Variants in TPRG1 observed in about 807,000 individuals in gnomAD.
TPRG1 encodes tumor protein p63-regulated gene 1 protein.
TPRG1 carries 29 observed loss-of-function variants against 29.3 expected under a neutral mutation model. The observed-to-expected ratio is 0.99, with a 90% confidence interval of 0.74 to 1.35. The LOEUF is 1.35. Among genes scored for constraint, TPRG1 ranks in the 40% most tolerant of loss-of-function variants. The pLI is 0.00. For synonymous variants in TPRG1, 130 were observed against 116.8 expected, an observed-to-expected ratio of 1.11 and a Z score of -0.73; for missense variants, 327 against 335.0, an observed-to-expected ratio of 0.98 and a Z score of 0.19.
intron 4 of TPRG1, among the ~76,000 whole-genome samples, chr3:189,026,652 A>G (rs1218633558): frequency 2.0e-5 from 3 of 152,214 alleles, no homozygotes; most frequent in Non-Finnish European, 4.4e-5. Flanking sequence ...GAGATTTAGA[A>G]TATTAGTTAG....
At chr3:189,266,215 TG>T (rs1166344267) in intron 4 of TPRG1, among the ~76,000 whole-genome samples, 1 of 152,240 alleles carries the variant, frequency 6.6e-6, no homozygotes, top group Non-Finnish European at 1.5e-5. Flanking sequence ...AGTGCCAAAC[TG>T]GTGACTGCCA....
upstream of TPRG1, among the ~76,000 whole-genome samples, chr3:189,171,581 C>G (rs146370093): frequency 1.3e-5 from 2 of 152,332 alleles, no homozygotes; most frequent in Non-Finnish European, 2.9e-5. Flanking sequence ...ATACACTGCT[C>G]TACATGTCTT....
At chr3:189,270,034 C>A (rs963879046) in intron 4 of TPRG1, among the ~76,000 whole-genome samples, 2 of 150,450 alleles carry the variant, frequency 1.3e-5, no homozygotes, top group African/African-American at 5.0e-5. Flanking sequence ...TCTTCTTCTT[C>A]TTCTTCTTCT....
At chr3:189,048,387 A>G (rs1280700687) in intron 4 of TPRG1, among the ~76,000 whole-genome samples, 4 of 152,238 alleles carry the variant, frequency 2.6e-5, no homozygotes, top group Non-Finnish European at 4.4e-5. Flanking sequence ...TTCTATTTAA[A>G]GAGCACAGTC....
chr3:189,259,872 G>T (rs1712683749), intron 4 of TPRG1, among the ~76,000 whole-genome samples: 1 of 152,116 alleles, frequency 6.6e-6, no homozygotes, highest in African/African-American at 2.4e-5. Flanking sequence ...GGTAGCATCT[G>T]AAACATGAAA....
At chr3:189,266,059 T>C (rs1225873667) in intron 4 of TPRG1, among the ~76,000 whole-genome samples, 1 of 152,170 alleles carries the variant, frequency 6.6e-6, no homozygotes, top group Non-Finnish European at 1.5e-5. Context: ...TCATGTTGTT[T>C]AGAAGTCCAC....
At chr3:189,140,032 C>T (rs1376249054) in intron 3 of TPRG1, among the ~76,000 whole-genome samples, 3 of 152,198 alleles carry the variant, frequency 2.0e-5, no homozygotes, top group East Asian at 3.9e-4. Context: ...ATGAACTAGC[C>T]CTGTCAGATC....
intron 4 of TPRG1, among the ~76,000 whole-genome samples, chr3:189,025,918 CAA>C (rs1713636299): frequency 6.6e-6 from 1 of 152,192 alleles, no homozygotes; most frequent in African/African-American, 2.4e-5. Context: ...AGTTCTTCCT[CAA>C]AAGAGATGTG....
rs141308812 is a variant in TPRG1 at position 189,054,377 on chromosome 3, C to T, written c.-463+30431C>T. ...CAAAGATCACTGATTATAGGCTAGG[C>T]GCAGTGGCTTATGTTTGTAATCCCA... On this transcript the variant is annotated intron_variant, in intron 4 of 10. Transcript: ENST00000433971. Among the ~76,000 whole-genome samples the T allele has an allele frequency of 2.2e-3, 339 of 151,028 alleles. 2 individuals are homozygous for T. The highest frequency in any genetic ancestry group is 7.9e-3 in the African/African-American group (328 of 41,316).
At chr3:189,158,674 G>A (rs1477262305) in intron 5 of TPRG1, among the ~76,000 whole-genome samples, 1 of 152,092 alleles carries the variant, frequency 6.6e-6, no homozygotes, top group Non-Finnish European at 1.5e-5. Flanking sequence ...AGACACCACT[G>A]CTCTTGAAAT....
intron 1 of TPRG1, among the ~76,000 whole-genome samples, chr3:189,176,230 G>A (rs1314894403): frequency 6.6e-6 from 1 of 152,292 alleles, no homozygotes; most frequent in Admixed American, 6.5e-5. Flanking sequence ...TTATATCTCA[G>A]AGTTCTGCGC....
chr3:189,094,452 T>C (rs1718542363), intron 4 of TPRG1, among the ~76,000 whole-genome samples: 1 of 152,174 alleles, frequency 6.6e-6, no homozygotes, highest in South Asian at 2.1e-4. Context: ...AAAAAGGATC[T>C]ATTCAAAATG....
intron 1 of TPRG1, among the ~76,000 whole-genome samples, chr3:189,100,854 A>G (rs1048118708): frequency 1.3e-5 from 2 of 152,168 alleles, no homozygotes; most frequent in African/African-American, 2.4e-5. Context: ...CCGCAAGCTA[A>G]GTTTCTGGTA....
Position 189,221,603 on chromosome 3 carries a change from C to A in TPRG1, c.302+6220C>A, listed in dbSNP as rs562963780. On this transcript the variant is annotated intron_variant, in intron 3 of 5. Coordinates refer to ENST00000345063, the MANE Select transcript of TPRG1 (RefSeq NM_198485.4). ...CTATGCTTAATTTAGAAAGATTCTG[C>A]AGAAGAAAGGGCTCTATTAGATCTT... Among the ~76,000 whole-genome samples the A allele has an allele frequency of 6.6e-5, 10 of 152,262 alleles. No individual in the cohort carries two copies. In the South Asian group the frequency reaches 2.1e-3, roughly 32 times the overall value.
intron 4 of TPRG1, among the ~76,000 whole-genome samples, chr3:189,052,496 A>G (rs1715386368): frequency 6.6e-6 from 1 of 152,186 alleles, no homozygotes. Flanking sequence ...GCTGGTGGGA[A>G]TGTAAAGTAG....
intron 4 of TPRG1, among the ~76,000 whole-genome samples, chr3:189,252,567 G>A (rs143336543): frequency 4.6e-5 from 7 of 152,274 alleles, no homozygotes; most frequent in Admixed American, 2.0e-4. Context: ...AGTAGAGGAA[G>A]GAGGGGAAGA....
chr3:189,162,477 CA>C (rs1392469419), intron 5 of TPRG1, among the ~76,000 whole-genome samples: 1 of 152,014 alleles, frequency 6.6e-6, no homozygotes, highest in Non-Finnish European at 1.5e-5. Context: ...GTTTGATTTG[CA>C]ATAAGGAAAC....
chr3:189,262,044 A>G (rs1400866242), intron 4 of TPRG1, among the ~76,000 whole-genome samples: 1 of 152,134 alleles, frequency 6.6e-6, no homozygotes, highest in African/African-American at 2.4e-5. Flanking sequence ...CCTCAAAAAG[A>G]TAAGAATGGT....
chr3:189,131,108 G>A (rs1459024254), intron 2 of TPRG1, among the ~76,000 whole-genome samples: 2 of 152,148 alleles, frequency 1.3e-5, no homozygotes, highest in Non-Finnish European at 1.5e-5. Flanking sequence ...AGCATAATTA[G>A]TAATAATCTT....
Sources: allele counts gnomAD v4.1 joint callset (sites outside exome capture counted in the v4.1 genomes callset), GRCh38; gene constraint gnomAD v4.1.1; transcripts MANE v1.5; gene names NCBI Gene and HGNC (gene_info 2026-07-23, HGNC 2026-07-21).